Variants in TGFB3 observed in about 807,000 individuals in gnomAD.
TGFB3 encodes transforming growth factor beta-3 proprotein.
In TGFB3, 5 loss-of-function variants were observed where a neutral mutation model predicts 40.1. That is an observed-to-expected ratio of 0.12 (90% CI 0.07 to 0.26). The LOEUF (loss-of-function observed/expected upper bound fraction) is 0.26, where lower values mean the gene tolerates loss of function less well. Ranked by LOEUF, TGFB3 falls within the 10% of genes least tolerant of loss-of-function variation. The probability of loss-of-function intolerance (pLI) is 1.00; values close to 1 mark genes in which losing one functional copy is unlikely to be tolerated. For synonymous variants in TGFB3, 184 were observed against 205.6 expected (o/e 0.89, Z 0.90); for missense variants, 373 against 530.1 (o/e 0.70, Z 2.91).
intron 3 of TGFB3, 129 bp from the exon 4 acceptor site, chr14:75,965,824 G>T: frequency 1.3e-6 from 1 of 794,024 alleles, no homozygotes; most frequent in Non-Finnish European, 2.2e-6. Flanking sequence ...TTCTATTGAG[G>T]GTCACAGGAG....
intron 3 of TGFB3, among the ~76,000 whole-genome samples, chr14:75,970,466 G>A (rs1351037914): frequency 2.6e-5 from 4 of 151,792 alleles, no homozygotes; most frequent in African/African-American, 4.8e-5. Context: ...AGACTGAGAC[G>A]TGAGAATCGC....
chr14:75,967,730 A>G (rs1200153275), intron 3 of TGFB3, among the ~76,000 whole-genome samples: 2 of 152,192 alleles, frequency 1.3e-5, no homozygotes, highest in Non-Finnish European at 2.9e-5. Flanking sequence ...AGCAAGAACT[A>G]TTATCCCCCA....
At chr14:75,969,414 A>G (rs955422221) in intron 3 of TGFB3, among the ~76,000 whole-genome samples, 4 of 152,234 alleles carry the variant, frequency 2.6e-5, no homozygotes, top group Non-Finnish European at 5.9e-5. Context: ...AACACAGAGG[A>G]TGGTGTCATG....
chr14:75,972,432 CAG>C (rs1165277631), intron 1 of TGFB3, among the ~76,000 whole-genome samples: 1 of 152,136 alleles, frequency 6.6e-6, no homozygotes, highest in Non-Finnish European at 1.5e-5. Context: ...AATAATAGGA[CAG>C]AGTGCCCCGG....
Position 75,961,004 on chromosome 14 carries a change from G to A in TGFB3, c.999C>T (p.Val333=). The change falls in exon 6 of 7, where the codon GTC becomes GTT. Residue 333 remains valine, a synonymous_variant. Transcript: ENST00000238682. ...DFRQDLGWKW[V]HEPKGYYANF... ...TGGCATAGTAGCCCTTAGGTTCATGGACCCACTTCCAGCCCAGATCCTGTC... is the reference window on the plus strand; with the variant it reads ...TGGCATAGTAGCCCTTAGGTTCATGAACCCACTTCCAGCCCAGATCCTGTC... 1 of 1,614,240 alleles carries A rather than the reference G, an allele frequency of 6.2e-7. No individual in the cohort carries two copies.
In TGFB3 at chr14:75,971,952, G is replaced by C. The variant is rs2035299540; in HGVS notation, c.353-234C>G. 6.6e-6 allele frequency among the ~76,000 whole-genome samples: 1 copy of C among 152,170 alleles called. No homozygotes were observed. The highest frequency in any genetic ancestry group is 2.4e-5 in the African/African-American group (1 of 41,434). ...AGCTCCACAACATGGCACTAGACTG[G>C]CCAGTCAAATCTAATTGCCCCCTCC... is the stretch of plus-strand genomic sequence containing the variant. On this transcript the variant is annotated intron_variant, in intron 1 of 6. Coordinates refer to ENST00000238682, the MANE Select transcript of TGFB3 (RefSeq NM_003239.5). The surrounding 1 kb of genome is among the most constrained non-coding windows in gnomAD (Gnocchi z 4.5).
In TGFB3 at chr14:75,971,490, G is replaced by A; in HGVS notation, c.516+65C>T. 1 of 1,603,438 alleles carries A rather than the reference G, an allele frequency of 6.2e-7. No individual in the cohort carries two copies. Among genetic ancestry groups the A allele is most frequent in the Non-Finnish European group, 8.5e-7 (1 of 1,174,400 alleles). On this transcript the variant is annotated intron_variant, in intron 2 of 6. Coordinates refer to ENST00000238682, the MANE Select transcript of TGFB3 (RefSeq NM_003239.5). This position sits in a 1 kb window ranked among gnomAD's most constrained non-coding sequence, Gnocchi z 4.5. Reference sequence around the variant, plus strand: ...TCTGCCAAACGCTGCACCCAGTGGTGCCCTGATATGGCAAAGGAACCAGCT... The same window carrying A: ...TCTGCCAAACGCTGCACCCAGTGGTACCCTGATATGGCAAAGGAACCAGCT...
chr14:75,963,170 T>A, intron 5 of TGFB3, 146 bp downstream of exon 5: 3 of 908,782 alleles, frequency 3.3e-6, no homozygotes, highest in Non-Finnish European at 3.6e-6. Flanking sequence ...AAAATCTCTG[T>A]GAGAGATTTT....
At position 75,960,924 on chromosome 14, in the gene TGFB3, G is replaced by A. The variant is rs750299821; in HGVS notation, c.1079C>T (p.Thr360Met). Residue 360 changes from threonine (T) to methionine (M), a missense_variant and splice_region_variant, in exon 6 of 7, where the codon ACG becomes ATG. Physicochemically the swap from Thr to Met is moderately conservative, Grantham distance 81. Transcript: ENST00000238682. ...YLRSADTTHS[T>M]VLGLYNTLNP... ...AGATGGCATGAGCCTGCTCCATACC[G>A]TGCTGTGGGTTGTGTCTGCACTGCG... 1.8e-5 allele frequency: 29 copies of A among 1,613,996 alleles called. No individual in the cohort carries two copies. Among genetic ancestry groups the A allele is most frequent in the East Asian group, 1.8e-4 (8 of 44,898 alleles).
At chr14:75,976,707 GTCCCCTCCCTC>G (rs2035357492) in intron 1 of TGFB3, among the ~76,000 whole-genome samples, 1 of 152,028 alleles carries the variant, frequency 6.6e-6, no homozygotes. Flanking sequence ...TGGGCTCCAG[GTCCCCTCCCTC>G]TCCCTGTCTC....
rs1246629184 is a variant in TGFB3 at position 75,978,525 on chromosome 14, T to C, written c.352+2017A>G. ...TTCCGGTTTGTACCTGTGAGCCTCA[T>C]AGCATCGCACGTTGGCTCCTCCCCA... On this transcript the variant is annotated intron_variant, in intron 1 of 6. Coordinates refer to ENST00000238682, the MANE Select transcript of TGFB3 (RefSeq NM_003239.5). This position sits in a 1 kb window ranked among gnomAD's most constrained non-coding sequence, Gnocchi z 5.0. Among the ~76,000 whole-genome samples, 1 of 152,210 alleles carries C rather than the reference T, an allele frequency of 6.6e-6. No individual in the cohort carries two copies. Among genetic ancestry groups the C allele is most frequent in the Non-Finnish European group, 1.5e-5 (1 of 68,032 alleles).
Position 75,980,558 on chromosome 14 carries a change from C to T in TGFB3, c.336G>A (p.Gln112=). 2 of 1,614,276 alleles carry T rather than the reference C, an allele frequency of 1.2e-6. No individual in the cohort carries two copies. Among genetic ancestry groups the T allele is most frequent in the Non-Finnish European group, 1.7e-6 (2 of 1,180,044 alleles). ...AKEIHKFDMI[Q]GLAEHNELAV... is the part of the protein sequence containing the mutation. ...TGGACTTACTGTGCTCCGCCAGCCC[C>T]TGGATCATGTCGAATTTATGGATTT... is the stretch of plus-strand genomic sequence containing the variant. Residue 112 remains glutamine (Q), a synonymous_variant, in exon 1 of 7, where the codon CAG becomes CAA. Coordinates refer to ENST00000238682, the MANE Select transcript of TGFB3 (RefSeq NM_003239.5). This position sits in a 1 kb window ranked among gnomAD's most constrained non-coding sequence, Gnocchi z 4.3.
At chr14:75,963,092 C>G in intron 5 of TGFB3, 1 of 620,050 alleles carries the variant, frequency 1.6e-6, no homozygotes, top group Non-Finnish European at 2.9e-6. Context: ...CTTCAGCCAG[C>G]TCCTTCCAGA....
Position 75,959,280 on chromosome 14 carries a change from G to T in TGFB3, c.1146C>A (p.Asp382Glu). ...AGTACAGGATGGTCAGGGGCTCCAGGTCCTGGGGCACGCAGCAAGGCGAGG... is the reference window on the plus strand; with the variant it reads ...AGTACAGGATGGTCAGGGGCTCCAGTTCCTGGGGCACGCAGCAAGGCGAGG... ...ASASPCCVPQ[D>E]LEPLTILYYV... is the part of the protein sequence containing the mutation. Residue 382 changes from aspartate to glutamate, a missense_variant, in exon 7 of 7, where the codon GAC (aspartate) becomes GAA (glutamate). By Grantham distance (45) the Asp-to-Glu change is conservative (BLOSUM62 2). Transcript: ENST00000238682. The T allele has an allele frequency of 6.2e-7, 1 of 1,614,172 alleles. No homozygotes were observed. Among genetic ancestry groups the T allele is most frequent in the East Asian group, 2.2e-5 (1 of 44,882 alleles).
chr14:75,971,545 G>C lies in TGFB3; in HGVS notation c.516+10C>G. 6.2e-7 allele frequency: 1 copy of C among 1,614,060 alleles called. No individual in the cohort carries two copies. The highest frequency in any genetic ancestry group is 8.5e-7 in the Non-Finnish European group (1 of 1,179,982). On this transcript the variant is annotated intron_variant, in intron 2 of 6. Transcript: ENST00000238682. This position sits in a 1 kb window ranked among gnomAD's most constrained non-coding sequence, Gnocchi z 4.5. ...CGTCGGTGTGGTTTCTGCTCTGAGA[G>C]AGGAGTTACCTGGAAGAGCTCGATC...
intron 3 of TGFB3, 37 bp from the exon 4 acceptor site, chr14:75,965,732 C>T (rs1309336259): frequency 1.3e-6 from 2 of 1,555,542 alleles, no homozygotes; most frequent in Non-Finnish European, 1.8e-6. Context: ...AAAAGCACCT[C>T]TGTGTGATGG....
At position 75,981,101 on chromosome 14, in the gene TGFB3, T is replaced by G. The variant is rs539627289; in HGVS notation, c.-208A>C. Reference sequence around the variant, plus strand: ...CAACCCTGAGGACGAAGAAGCGGACTGTGTGCCTTGTAGCGCTGGGATTCT... The same window carrying G: ...CAACCCTGAGGACGAAGAAGCGGACGGTGTGCCTTGTAGCGCTGGGATTCT... On this transcript the variant is annotated 5_prime_UTR_variant, in exon 1 of 7. Transcript: ENST00000238682. This position sits in a 1 kb window ranked among gnomAD's most constrained non-coding sequence, Gnocchi z 4.7. 15 of 611,106 alleles carry G rather than the reference T, an allele frequency of 2.5e-5. No homozygotes were observed. The South Asian group carries it at 2.8e-4, about 12-fold the overall frequency. The allele number at this position is 611,106 out of a possible 1,614,324, so 37.9% of individuals were successfully genotyped here. A position where few individuals can be genotyped will look rare whatever the true frequency, so the allele number is the denominator to read the frequency against.
intron 5 of TGFB3, 116 bp from the exon 6 acceptor site, chr14:75,961,192 C>A: frequency 8.3e-7 from 1 of 1,211,308 alleles, no homozygotes; most frequent in South Asian, 1.3e-5. Context: ...TGGCTCTGAT[C>A]AATGGAATCC....
Position 75,979,154 on chromosome 14 carries a change from A to G in TGFB3, c.352+1388T>C, listed in dbSNP as rs2035390789. Among the ~76,000 whole-genome samples the G allele has an allele frequency of 6.6e-6, 1 of 152,066 alleles. No individual in the cohort carries two copies. The highest frequency in any genetic ancestry group is 2.4e-5 in the African/African-American group (1 of 41,418). On this transcript the variant is annotated intron_variant, in intron 1 of 6. Transcript: ENST00000238682. This position sits in a 1 kb window ranked among gnomAD's most constrained non-coding sequence, Gnocchi z 4.8. ...GCCACATCCTGAAGAAAGGCGCTCCAGGCAGCCACAGGAAGCTGGAGCGGG... is the reference window on the plus strand; with the variant it reads ...GCCACATCCTGAAGAAAGGCGCTCCGGGCAGCCACAGGAAGCTGGAGCGGG...
Sources: allele counts gnomAD v4.1 joint callset (sites outside exome capture counted in the v4.1 genomes callset), GRCh38; gene constraint gnomAD v4.1.1; non-coding constraint Gnocchi (gnomAD v3.1); transcripts MANE v1.5; gene names NCBI Gene and HGNC (gene_info 2026-07-23, HGNC 2026-07-21).